The following ITGA8 variants were observed in gnomAD, a reference collection of about 807,000 sequenced individuals.
ITGA8 encodes integrin alpha-8.
ITGA8 carries 91 observed loss-of-function variants against 142.3 expected under a neutral mutation model. That is an observed-to-expected ratio of 0.64 (90% CI 0.54 to 0.76). ITGA8 has a LOEUF of 0.76. Ranked by LOEUF, ITGA8 falls within the 30% of genes least tolerant of loss-of-function variation. The pLI, the probability that ITGA8 is intolerant of heterozygous loss-of-function variation, is 0.00. For synonymous variants in ITGA8, 505 were observed against 485.2 expected (o/e 1.04, Z -0.54); for missense variants, 1,406 against 1,327.7 (o/e 1.06, Z -0.92).
intron 6 of ITGA8, among the ~76,000 whole-genome samples, chr10:15,673,419 A>G (rs1834567457): frequency 6.6e-6 from 1 of 152,146 alleles, no homozygotes; most frequent in South Asian, 2.1e-4. Flanking sequence ...TCCACCTGGA[A>G]GGAAGCTTTG....
chr10:15,548,481 G>A lies in ITGA8; in HGVS notation c.2854C>T (p.Arg952Ter), dbSNP rs773949402. Residue 952 changes from arginine (R) to a stop codon, truncating the protein, a stop_gained, in exon 27 of 30, where the codon CGA becomes TGA. Transcript: ENST00000378076. LOFTEE classifies it high-confidence loss of function. ...GESAVLKVRS[R>*]LWAHTFLQRK... ...TGGAGGAAGGTGTGGGCCCATAATC[G>A]TGACCTGACTTTCAGGACTGCGCTT... is the stretch of plus-strand genomic sequence containing the variant. 2.5e-6 allele frequency: 4 copies of A among 1,609,868 alleles called. No individual in the cohort carries two copies. The highest frequency in any genetic ancestry group is 3.4e-5 in the Admixed American group (2 of 58,956).
At chr10:15,599,521 A>G (rs1749818771) in intron 20 of ITGA8, among the ~76,000 whole-genome samples, 1 of 152,164 alleles carries the variant, frequency 6.6e-6, no homozygotes, top group Non-Finnish European at 1.5e-5. Context: ...GATAGGATAA[A>G]TAAATAGTGA....
chr10:15,604,639 A>G (rs78493410), intron 19 of ITGA8, among the ~76,000 whole-genome samples: 1 of 151,934 alleles, frequency 6.6e-6, no homozygotes, highest in Admixed American at 6.6e-5. Context: ...AGTGGTGTAA[A>G]TCCATGAACC....
intron 6 of ITGA8, among the ~76,000 whole-genome samples, 160 bp from the exon 7 acceptor site, chr10:15,672,909 G>T (rs1478878278): frequency 2.0e-5 from 3 of 152,184 alleles, no homozygotes; most frequent in African/African-American, 7.2e-5. Flanking sequence ...GTTAGTTACA[G>T]CTGGGTAGAA....
At chr10:15,690,498 C>T (rs1834913395) in intron 2 of ITGA8, among the ~76,000 whole-genome samples, 1 of 152,120 alleles carries the variant, frequency 6.6e-6, no homozygotes, top group Admixed American at 6.5e-5. Flanking sequence ...CATCTACCCA[C>T]ACCTGAAGAG....
At chr10:15,534,283 C>T (rs1833372882) in intron 27 of ITGA8, among the ~76,000 whole-genome samples, 1 of 152,186 alleles carries the variant, frequency 6.6e-6, no homozygotes, top group African/African-American at 2.4e-5. Context: ...CTCAGAGATT[C>T]TGATTCAGTG....
At chr10:15,550,825 G>A (rs142217033) in intron 26 of ITGA8, among the ~76,000 whole-genome samples, 66 of 152,126 alleles carry the variant, frequency 4.3e-4, no homozygotes, top group African/African-American at 1.6e-3. Flanking sequence ...TTAGAGGGAT[G>A]GGTAATATGA....
chr10:15,639,109 G>A (rs1188113027), intron 13 of ITGA8, among the ~76,000 whole-genome samples: 1 of 151,666 alleles, frequency 6.6e-6, no homozygotes, highest in Admixed American at 6.6e-5. Context: ...CAGCCTGGGT[G>A]ACAGCACAAG....
At chr10:15,627,768 C>T (rs923946142) in intron 13 of ITGA8, among the ~76,000 whole-genome samples, 1 of 152,080 alleles carries the variant, frequency 6.6e-6, no homozygotes, top group African/African-American at 2.4e-5. Context: ...GGCATTTGAA[C>T]CAGAGCAACT....
At chr10:15,547,499 G>A (rs1457793512) in intron 27 of ITGA8, among the ~76,000 whole-genome samples, 1 of 152,216 alleles carries the variant, frequency 6.6e-6, no homozygotes, top group Non-Finnish European at 1.5e-5. Context: ...TTGAACCCAG[G>A]AGGCAGAGGT....
At chr10:15,716,954 G>A (rs1488676990) in intron 2 of ITGA8, among the ~76,000 whole-genome samples, 1 of 152,108 alleles carries the variant, frequency 6.6e-6, no homozygotes, top group African/African-American at 2.4e-5. Flanking sequence ...AAGCCACCAC[G>A]CCTGGCCTAC....
At position 15,684,056 on chromosome 10, in the gene ITGA8, A is replaced by G. The variant is rs1588721845; in HGVS notation, c.516T>C (p.Tyr172=). Residue 172 remains tyrosine, a synonymous_variant, in exon 4 of 30, where the codon TAT becomes TAC. Transcript: ENST00000378076. The part of the protein sequence containing the change: ...TPEKDPVGTC[Y]VAIQNFSAYA... ...AGGCGCTGAAGTTCTGAATTGCTACATAGCAGGTGCCAACTGGGTCCTTTT... is the reference window on the plus strand; with the variant it reads ...AGGCGCTGAAGTTCTGAATTGCTACGTAGCAGGTGCCAACTGGGTCCTTTT... 6.2e-7 allele frequency: 1 copy of G among 1,614,200 alleles called. No individual in the cohort carries two copies. The highest frequency in any genetic ancestry group is 8.5e-7 in the Non-Finnish European group (1 of 1,180,018).
chr10:15,715,649 G>A (rs924484310), intron 2 of ITGA8, among the ~76,000 whole-genome samples: 2 of 152,228 alleles, frequency 1.3e-5, no homozygotes, highest in African/African-American at 4.8e-5. Flanking sequence ...ACATAGTAGC[G>A]ATCTGTAAAT....
chr10:15,690,355 C>T (rs905277982), intron 2 of ITGA8, among the ~76,000 whole-genome samples: 1 of 152,168 alleles, frequency 6.6e-6, no homozygotes, highest in African/African-American at 2.4e-5. Context: ...TCTGAAATAC[C>T]TCTTCCTCTG....
rs374336372 is a variant in ITGA8, at chr10:15,586,537, A to C, written c.2372+47T>G. The C allele has an allele frequency of 2.6e-4, 290 of 1,095,590 alleles. No individual in the cohort carries two copies. In the African/African-American group the frequency reaches 4.0e-3, roughly 15 times the overall value. The allele number at this position is 1,095,590 out of a possible 1,614,324, so 67.9% of individuals were successfully genotyped here. A position where few individuals can be genotyped will look rare whatever the true frequency, so the allele number is the denominator to read the frequency against. On this transcript the variant is annotated intron_variant, in intron 23 of 29. Transcript: ENST00000378076. Reference sequence around the variant, plus strand: ...TCATTTTCACTAGTATTTTATCTTAACTCTACATACAGAAGGATATTGTAC... The same window carrying C: ...TCATTTTCACTAGTATTTTATCTTACCTCTACATACAGAAGGATATTGTAC...
intron 20 of ITGA8, among the ~76,000 whole-genome samples, chr10:15,600,085 C>A (rs1833077938): frequency 6.6e-6 from 1 of 152,162 alleles, no homozygotes; most frequent in Non-Finnish European, 1.5e-5. Context: ...CTCTATAAGG[C>A]TGTTATAAGA....
intron 11 of ITGA8, among the ~76,000 whole-genome samples, chr10:15,652,886 G>A (rs560018213): frequency 2.6e-5 from 4 of 152,278 alleles, no homozygotes; most frequent in South Asian, 2.1e-4. Context: ...ATCTAGAGCT[G>A]GTAGACAGAG....
intron 8 of ITGA8, among the ~76,000 whole-genome samples, chr10:15,666,006 T>C (rs1200354810): frequency 6.6e-6 from 1 of 152,270 alleles, no homozygotes; most frequent in African/African-American, 2.4e-5. Flanking sequence ...GCCGGCTCTT[T>C]TTTGGTTCCA....
intron 9 of ITGA8, 28 bp from the exon 10 acceptor site, chr10:15,659,083 C>T (rs776253202): frequency 1.3e-5 from 20 of 1,508,188 alleles, no homozygotes; most frequent in East Asian, 7.0e-5. Context: ...AAACAGGTTA[C>T]ACCATTTGCC....
Sources: gnomAD v4.1 joint callset for allele counts (sites outside exome capture counted in the v4.1 genomes callset) on GRCh38, gnomAD v4.1.1 for gene constraint, MANE v1.5 for transcripts, NCBI Gene and HGNC (gene_info 2026-07-23, HGNC 2026-07-21) for gene names.